Variants in RECK observed in about 807,000 individuals in gnomAD.
RECK encodes the protein reversion inducing cysteine rich protein with kazal motifs, also known as reversion-inducing cysteine-rich protein with Kazal motifs.
In RECK, 69 loss-of-function variants were observed where a neutral mutation model predicts 115.1. The ratio of observed to expected loss-of-function variants is 0.60; its 90% CI spans 0.49 to 0.73. RECK has a LOEUF of 0.73. Among genes scored for constraint, RECK ranks in the 30% least tolerant of loss-of-function variants. The pLI is 0.00. For missense variants in RECK, 1,047 were observed against 1,203.7 expected, an observed-to-expected ratio of 0.87 and a Z score of 1.93; for synonymous variants, 414 against 419.7, an observed-to-expected ratio of 0.99 and a Z score of 0.17.
rs552531819 is a variant in RECK, at chr9:36,098,071, G to A, written c.1086-2260G>A. Among the ~76,000 whole-genome samples, 420 of 152,226 alleles carry A rather than the reference G, an allele frequency of 2.8e-3. 3 individuals are homozygous for A. Among genetic ancestry groups the A allele is most frequent in the Non-Finnish European group, 5.3e-3 (359 of 68,010 alleles). ...GAGAGAGAAGAGGGAGGAGAGAGGG[G>A]AGAGGATTGGGAAAATGTTGGTCAA... On this transcript the variant is annotated intron_variant, in intron 10 of 20. Coordinates refer to ENST00000377966, the MANE Select transcript of RECK (RefSeq NM_021111.3).
rs1823267636 is a variant in RECK, at chr9:36,094,516, T to A, written c.1085+3173T>A. ...AATATAAAATGGAAAACTAAAATAA[T>A]ACTTGATCCATCCAAAAGAAGACAG... On this transcript the variant is annotated intron_variant, in intron 10 of 20. Coordinates refer to ENST00000377966, the MANE Select transcript of RECK (RefSeq NM_021111.3). This position sits in a 1 kb window ranked among gnomAD's most constrained non-coding sequence, Gnocchi z 4.1. Among the ~76,000 whole-genome samples the A allele has an allele frequency of 6.6e-6, 1 of 152,002 alleles. No individual in the cohort carries two copies. The highest frequency in any genetic ancestry group is 2.4e-5 in the African/African-American group (1 of 41,420).
At position 36,069,758 on chromosome 9, in the gene RECK, G is replaced by T. The variant is rs148825468; in HGVS notation, c.405+4134G>T. 1.2e-4 allele frequency among the ~76,000 whole-genome samples: 18 copies of T among 152,166 alleles called. No homozygotes were observed. In the East Asian group the frequency reaches 3.5e-3, roughly 29 times the overall value. ...AGAAAAATAAATAGGATGGGCAGGA[G>T]CAGTGTTTAAAGAAGCCCTACAAAT... On this transcript the variant is annotated intron_variant, in intron 6 of 20. Coordinates refer to ENST00000377966, the MANE Select transcript of RECK (RefSeq NM_021111.3).
At chr9:36,100,641 C>T in intron 11 of RECK, 98 bp downstream of exon 11, 1 of 859,894 alleles carries the variant, frequency 1.2e-6, no homozygotes, top group Admixed American at 2.4e-5. Context: ...CTTACCACTT[C>T]CTTTGCCTAT....
Position 36,063,151 on chromosome 9 carries a change from C to A in RECK, c.272-644C>A, listed in dbSNP as rs1821852742. Among the ~76,000 whole-genome samples the A allele has an allele frequency of 2.0e-5, 3 of 151,980 alleles. No homozygotes were observed. The South Asian group carries it at 6.2e-4, about 32-fold the overall frequency. Reference sequence around the variant, plus strand: ...CTCCATCTCAAAAAAAAAATTAGAACACTTTTTATAATTTTATCATCTTTC... The same window carrying A: ...CTCCATCTCAAAAAAAAAATTAGAAAACTTTTTATAATTTTATCATCTTTC... On this transcript the variant is annotated intron_variant, in intron 4 of 20. Transcript: ENST00000377966.
intron 12 of RECK, among the ~76,000 whole-genome samples, chr9:36,103,450 C>T (rs1823640998): frequency 6.6e-6 from 1 of 152,168 alleles, no homozygotes; most frequent in African/African-American, 2.4e-5. Flanking sequence ...GGAGTTCTAA[C>T]CACCATAATC....
intron 7 of RECK, among the ~76,000 whole-genome samples, chr9:36,081,641 CT>C (rs1822696610): frequency 6.6e-6 from 1 of 152,036 alleles, no homozygotes; most frequent in Non-Finnish European, 1.5e-5. Context: ...TGAGACCAGC[CT>C]GGCCAATATG....
intron 13 of RECK, among the ~76,000 whole-genome samples, chr9:36,107,617 A>C (rs994013844): frequency 5.9e-5 from 9 of 152,062 alleles, no homozygotes; most frequent in East Asian, 1.9e-4. Context: ...AAAAAAAAAA[A>C]AAAAAATACT....
At position 36,058,876 on chromosome 9, in the gene RECK, C is replaced by A; in HGVS notation, c.209C>A (p.Ala70Asp). 6.3e-7 allele frequency: 1 copy of A among 1,586,616 alleles called. No individual in the cohort carries two copies. Among genetic ancestry groups the A allele is most frequent in the South Asian group, 1.1e-5 (1 of 87,750 alleles). Residue 70 changes from alanine (A) to aspartate (D), a missense_variant, in exon 3 of 21, where the codon GCC (alanine) becomes GAC (aspartate). Ala to Asp is a moderately radical substitution (Grantham distance 126). Transcript: ENST00000377966. ...ESRLKHLLQRAPDYCPETMVE... is the reference protein window; with the variant it reads ...ESRLKHLLQRDPDYCPETMVE... ...CGACTAAAACATCTGTTGCAGCGAG[C>A]CCCAGATTATTGCCCAGAGACAATG...
chr9:36,074,602 T>G (rs1822376170), intron 6 of RECK, among the ~76,000 whole-genome samples: 1 of 152,188 alleles, frequency 6.6e-6, no homozygotes, highest in Non-Finnish European at 1.5e-5. Flanking sequence ...AGTGCTACAG[T>G]CAGTACTTTT....
At chr9:36,107,599 C>T (rs1190169873) in intron 13 of RECK, among the ~76,000 whole-genome samples, 4 of 140,736 alleles carry the variant, frequency 2.8e-5, no homozygotes, top group Admixed American at 2.2e-4. Context: ...AGCAAGACTC[C>T]GTCTCAAAAA....
chr9:36,122,337 C>T (rs573630470), intron 20 of RECK, among the ~76,000 whole-genome samples: 2 of 152,288 alleles, frequency 1.3e-5, no homozygotes, highest in East Asian at 3.9e-4. Flanking sequence ...TCTGTGTGAC[C>T]CTAACTAACC....
chr9:36,090,706 T>C (rs1823125082), intron 9 of RECK, among the ~76,000 whole-genome samples: 1 of 152,228 alleles, frequency 6.6e-6, no homozygotes, highest in Non-Finnish European at 1.5e-5. Flanking sequence ...GAGAAACTAA[T>C]GTACCCTAAG....
intron 7 of RECK, among the ~76,000 whole-genome samples, chr9:36,082,579 C>T (rs1822767260): frequency 6.6e-6 from 1 of 152,178 alleles, no homozygotes; most frequent in African/African-American, 2.4e-5. Flanking sequence ...CCCACATCTG[C>T]ACCCCCAGCT....
chr9:36,058,576 G>A (rs1174537360), intron 2 of RECK, among the ~76,000 whole-genome samples: 9 of 146,138 alleles, frequency 6.2e-5, no homozygotes, highest in Admixed American at 1.4e-4. Context: ...TGGGTGCAGC[G>A]CACCAGCATG....
chr9:36,106,670 C>T (rs998275033), intron 13 of RECK, among the ~76,000 whole-genome samples: 1 of 151,936 alleles, frequency 6.6e-6, no homozygotes, highest in Non-Finnish European at 1.5e-5. Context: ...TTGGAAATGT[C>T]GGACTGTTTT....
At chr9:36,096,441 G>A (rs991558490) in intron 10 of RECK, among the ~76,000 whole-genome samples, 2 of 152,090 alleles carry the variant, frequency 1.3e-5, no homozygotes, top group East Asian at 3.9e-4. Flanking sequence ...GGAGGCTGAG[G>A]CAGGAGAATC....
rs914076234 is a variant in RECK at position 36,041,292 on chromosome 9, T to C, written c.100+4194T>C. On this transcript the variant is annotated intron_variant, in intron 1 of 20. Transcript: ENST00000377966. Reference sequence around the variant, plus strand: ...AGTATGATGGATGCTGTAAAGCACATAGGTAACTTGAACAAGACTATAAGT... The same window carrying C: ...AGTATGATGGATGCTGTAAAGCACACAGGTAACTTGAACAAGACTATAAGT... Among the ~76,000 whole-genome samples the C allele has an allele frequency of 4.6e-5, 7 of 152,196 alleles. No individual in the cohort carries two copies. The East Asian group carries it at 1.3e-3, about 29-fold the overall frequency.
intron 8 of RECK, among the ~76,000 whole-genome samples, chr9:36,087,312 T>C (rs1823004389): frequency 1.3e-5 from 2 of 151,998 alleles, no homozygotes; most frequent in Admixed American, 1.3e-4. Context: ...TATGCAGCCA[T>C]AAAAAAGGAT....
chr9:36,107,960 A>G lies in RECK; in HGVS notation c.1577-16A>G, dbSNP rs753714891. ...AGAACAGTACCATCTCTCTCAGCTA[A>G]TTTTTGCTTGTACAGGTTGCAAACT... On this transcript the variant is annotated splice_polypyrimidine_tract_variant and intron_variant, in intron 13 of 20. Transcript: ENST00000377966. 1 of 1,599,160 alleles carries G rather than the reference A, an allele frequency of 6.3e-7. No individual in the cohort carries two copies. The highest frequency in any genetic ancestry group is 1.1e-5 in the South Asian group (1 of 89,066).
Sources: allele counts gnomAD v4.1 joint callset (sites outside exome capture counted in the v4.1 genomes callset), GRCh38; gene constraint gnomAD v4.1.1; non-coding constraint Gnocchi (gnomAD v3.1); transcripts MANE v1.5; gene names NCBI Gene and HGNC (gene_info 2026-07-23, HGNC 2026-07-21).